Variants in INSC observed in about 807,000 individuals in gnomAD.
The protein encoded by INSC is INSC spindle orientation adaptor protein, also known as protein inscuteable homolog.
INSC carries 67 observed loss-of-function variants against 58.6 expected under a neutral mutation model. The ratio of observed to expected loss-of-function variants is 1.14; its 90% CI spans 0.94 to 1.40. The LOEUF is 1.40. INSC is among the 40% of genes most tolerant of loss of function. INSC has a pLI of 0.00. For synonymous variants in INSC, 262 were observed against 276.1 expected (o/e 0.95, Z 0.51); for missense variants, 714 against 692.0 (o/e 1.03, Z -0.36).
rs143611375 is a variant in INSC at position 15,166,443 on chromosome 11, A to G, written c.57-9298A>G. ...TTTGTGGGATCTAGTTACTTGCCCA[A>G]CACTTAAACTTTTACCACAGGGCTG... On this transcript the variant is annotated intron_variant, in intron 2 of 12. Transcript: ENST00000379556. Among the ~76,000 whole-genome samples, 186 of 152,292 alleles carry G rather than the reference A, an allele frequency of 1.2e-3. 1 individual carries two copies. Among genetic ancestry groups the G allele is most frequent in the African/African-American group, 4.0e-3 (167 of 41,544 alleles).
chr11:15,138,166 A>G (rs1183219377), intron 1 of INSC, among the ~76,000 whole-genome samples: 1 of 5,576 alleles, frequency 1.8e-4, no homozygotes, highest in Non-Finnish European at 3.2e-4. Context: ...TGGGGGTGCA[A>G]TTTGTGACCC....
chr11:15,210,773 G>A (rs1215641505), intron 7 of INSC, among the ~76,000 whole-genome samples: 1 of 152,078 alleles, frequency 6.6e-6, no homozygotes, highest in Non-Finnish European at 1.5e-5. Flanking sequence ...TTCTGGAGTG[G>A]GGCAAGTGCT....
chr11:15,119,732 C>T (rs190012625), intron 1 of INSC, among the ~76,000 whole-genome samples: 1 of 152,156 alleles, frequency 6.6e-6, no homozygotes, highest in Non-Finnish European at 1.5e-5. Context: ...TTGGCTCAGG[C>T]CATCTCACTT....
At chr11:15,221,338 A>C in intron 7 of INSC, 139 bp from the exon 8 acceptor site, 1 of 953,862 alleles carries the variant, frequency 1.0e-6, no homozygotes, top group South Asian at 1.8e-5. Context: ...CCCTGGTTCC[A>C]CATGGGGTCC....
chr11:15,168,294 T>G (rs1849273258), intron 2 of INSC, among the ~76,000 whole-genome samples: 1 of 152,050 alleles, frequency 6.6e-6, no homozygotes, highest in Admixed American at 6.6e-5. Flanking sequence ...CAGGCCCTAG[T>G]GTGTATTGTT....
At chr11:15,211,885 T>C (rs964544565) in intron 7 of INSC, among the ~76,000 whole-genome samples, 9 of 152,236 alleles carry the variant, frequency 5.9e-5, no homozygotes, top group African/African-American at 2.2e-4. Flanking sequence ...TTAGCCTTTT[T>C]GTTCATCTTG....
At chr11:15,208,539 C>A (rs1850897769) in intron 7 of INSC, among the ~76,000 whole-genome samples, 1 of 152,186 alleles carries the variant, frequency 6.6e-6, no homozygotes, top group South Asian at 2.1e-4. Context: ...CTTAAGGAGG[C>A]CAGGATGCAA....
rs79046397 is a variant in INSC, at chr11:15,164,418, C to T, written c.57-11323C>T. 5.7e-3 allele frequency among the ~76,000 whole-genome samples: 875 copies of T among 152,272 alleles called. 4 individuals carry two copies. Among genetic ancestry groups the T allele is most frequent in the African/African-American group, 0.02 (848 of 41,542 alleles). ...CTTTCTTCCCTCACATTGATCTGAA[C>T]ATCTCGTTCCTGTGCCTCTGTTGTC... On this transcript the variant is annotated intron_variant, in intron 2 of 12. Transcript: ENST00000379556.
intron 1 of INSC, among the ~76,000 whole-genome samples, chr11:15,139,595 G>C (rs1848321480): frequency 6.6e-6 from 1 of 152,198 alleles, no homozygotes; most frequent in Admixed American, 6.5e-5. Flanking sequence ...AACACCTACT[G>C]TGTGCCAGGC....
At chr11:15,212,602 G>T (rs1486657579) in intron 7 of INSC, among the ~76,000 whole-genome samples, 1 of 152,118 alleles carries the variant, frequency 6.6e-6, no homozygotes, top group Admixed American at 6.5e-5. Flanking sequence ...TTTATTCCTA[G>T]TTATGATTTC....
intron 7 of INSC, among the ~76,000 whole-genome samples, chr11:15,208,653 G>A (rs1228943041): frequency 1.3e-5 from 2 of 152,218 alleles, no homozygotes; most frequent in East Asian, 1.9e-4. Flanking sequence ...CTGAAGGAAG[G>A]CTCGGGGACT....
intron 2 of INSC, among the ~76,000 whole-genome samples, chr11:15,165,861 G>T (rs560353527): frequency 6.6e-6 from 1 of 152,076 alleles, no homozygotes; most frequent in South Asian, 2.1e-4. Context: ...TGCTGAACCA[G>T]TCTTTTGGGG....
At chr11:15,123,587 C>G (rs970098931) in intron 1 of INSC, among the ~76,000 whole-genome samples, 1 of 152,064 alleles carries the variant, frequency 6.6e-6, no homozygotes, top group African/African-American at 2.4e-5. Flanking sequence ...CCTCAGAGAC[C>G]TTACCATCTT....
At chr11:15,243,781 C>T (rs1232781123) in intron 12 of INSC, among the ~76,000 whole-genome samples, 2 of 151,480 alleles carry the variant, frequency 1.3e-5, no homozygotes, top group Non-Finnish European at 2.9e-5. Context: ...CCTTTCTCTC[C>T]TTCTCTACTC....
intron 1 of INSC, among the ~76,000 whole-genome samples, chr11:15,117,869 G>C (rs1348600364): frequency 6.6e-6 from 1 of 152,112 alleles, no homozygotes; most frequent in African/African-American, 2.4e-5. Flanking sequence ...CCATCTCTGT[G>C]CTGGCTCAGA....
intron 9 of INSC, 67 bp from the exon 10 acceptor site, chr11:15,235,535 G>A: frequency 1.6e-6 from 2 of 1,257,346 alleles, no homozygotes; most frequent in South Asian, 2.4e-5. Context: ...TGGCTGACCT[G>A]TCTGTAGGGA....
chr11:15,227,032 G>C (rs768358609), intron 9 of INSC, among the ~76,000 whole-genome samples: 2 of 152,188 alleles, frequency 1.3e-5, no homozygotes, highest in African/African-American at 2.4e-5. Flanking sequence ...AAGCATTTGC[G>C]TATGAGGGTT....
chr11:15,152,798 G>C (rs550675130), intron 2 of INSC, among the ~76,000 whole-genome samples: 1 of 152,290 alleles, frequency 6.6e-6, no homozygotes, highest in South Asian at 2.1e-4. Context: ...CAGCAGCTGG[G>C]ACAATAAATC....
chr11:15,258,260 C>T, the INSC span, among the ~76,000 whole-genome samples: 6 of 152,218 alleles, frequency 3.9e-5, no homozygotes, highest in South Asian at 1.0e-3. Context: ...CTGTAATCAA[C>T]CTAAAGCCCT....
Sources: allele counts gnomAD v4.1 joint callset (sites outside exome capture counted in the v4.1 genomes callset), GRCh38; gene constraint gnomAD v4.1.1; transcripts MANE v1.5; gene names NCBI Gene and HGNC (gene_info 2026-07-23, HGNC 2026-07-21).